Variants in ADAMTSL1 observed in about 807,000 individuals in gnomAD.
The protein encoded by ADAMTSL1 is ADAMTS-like protein 1.
Under a neutral mutation model 201.8 loss-of-function variants are expected in ADAMTSL1, and 126 were observed. That is an observed-to-expected ratio of 0.62 (90% CI 0.54 to 0.72). The LOEUF (loss-of-function observed/expected upper bound fraction) is 0.72. Ranked by LOEUF, ADAMTSL1 falls within the 30% of genes least tolerant of loss-of-function variation. The pLI is 0.00. For missense variants in ADAMTSL1, 2,679 were observed against 2,277.8 expected (o/e 1.18, Z -3.59); for synonymous variants, 1,121 against 903.4 (o/e 1.24, Z -4.32).
intron 1 of ADAMTSL1, among the ~76,000 whole-genome samples, chr9:17,971,831 G>GA (rs1818217391): frequency 6.6e-6 from 1 of 151,754 alleles, no homozygotes; most frequent in Non-Finnish European, 1.5e-5. Context: ...TTTATATGGG[G>GA]AAAAAGACAA....
At chr9:18,213,469 A>G (rs577178861) in intron 2 of ADAMTSL1, among the ~76,000 whole-genome samples, 2 of 152,152 alleles carry the variant, frequency 1.3e-5, no homozygotes, top group Non-Finnish European at 2.9e-5. Context: ...GTGAGAAGCT[A>G]AACTTTTGCC....
At chr9:18,860,394 A>G (rs1268219874) in intron 23 of ADAMTSL1, among the ~76,000 whole-genome samples, 1 of 151,924 alleles carries the variant, frequency 6.6e-6, no homozygotes, top group Non-Finnish European at 1.5e-5. Flanking sequence ...GCACAGCCCC[A>G]CCCATTTGTT....
chr9:18,170,594 A>G (rs1316783117), intron 2 of ADAMTSL1, among the ~76,000 whole-genome samples: 1 of 152,102 alleles, frequency 6.6e-6, no homozygotes, highest in East Asian at 1.9e-4. Flanking sequence ...TATGGGACCA[A>G]TAATTAATTT....
At chr9:18,494,838 T>G (rs1300895311) in intron 1 of ADAMTSL1, among the ~76,000 whole-genome samples, 1 of 152,168 alleles carries the variant, frequency 6.6e-6, no homozygotes, top group Non-Finnish European at 1.5e-5. Flanking sequence ...TGGCATTTAT[T>G]AACACTACTA....
intron 1 of ADAMTSL1, among the ~76,000 whole-genome samples, chr9:18,073,359 G>T (rs1007587761): frequency 6.6e-6 from 1 of 152,166 alleles, no homozygotes; most frequent in Admixed American, 6.5e-5. Flanking sequence ...CTACTTGATC[G>T]CATGGACTCC....
At chr9:18,134,269 G>A (rs1458709944) in intron 1 of ADAMTSL1, among the ~76,000 whole-genome samples, 1 of 152,230 alleles carries the variant, frequency 6.6e-6, no homozygotes, top group East Asian at 1.9e-4. Context: ...CAGGATGTCC[G>A]GTGTGCTGCT....
intron 1 of ADAMTSL1, among the ~76,000 whole-genome samples, chr9:17,977,356 ATTC>A: frequency 6.6e-6 from 1 of 152,236 alleles, no homozygotes. Flanking sequence ...ATTTGGAAAA[ATTC>A]ATTCTTCAAA....
chr9:18,693,332 T>C (rs1160274878), intron 13 of ADAMTSL1, among the ~76,000 whole-genome samples: 1 of 152,230 alleles, frequency 6.6e-6, no homozygotes, highest in African/African-American at 2.4e-5. Flanking sequence ...GCTACATGAC[T>C]ATCTAACAAC....
At chr9:18,206,491 AT>A (rs1345127382) in intron 2 of ADAMTSL1, among the ~76,000 whole-genome samples, 1 of 152,032 alleles carries the variant, frequency 6.6e-6, no homozygotes, top group African/African-American at 2.4e-5. Context: ...TTGAGTTCTC[AT>A]GACCCCTACT....
chr9:18,417,283 A>G (rs1263648145), intron 2 of ADAMTSL1, among the ~76,000 whole-genome samples: 2 of 151,694 alleles, frequency 1.3e-5, no homozygotes, highest in African/African-American at 4.8e-5. Flanking sequence ...TAGTAAAGAA[A>G]AAAGGTCTTC....
intron 7 of ADAMTSL1, among the ~76,000 whole-genome samples, chr9:18,656,319 A>G (rs939260750): frequency 1.2e-4 from 18 of 151,990 alleles, no homozygotes; most frequent in Non-Finnish European, 2.9e-5. Context: ...TTTATCCTAC[A>G]TTATGGGCAA....
At chr9:18,265,307 G>C (rs1448736222) in intron 2 of ADAMTSL1, among the ~76,000 whole-genome samples, 1 of 151,848 alleles carries the variant, frequency 6.6e-6, no homozygotes, top group Admixed American at 6.6e-5. Context: ...AGTTAATTCA[G>C]GTCTTTATTT....
intron 2 of ADAMTSL1, among the ~76,000 whole-genome samples, chr9:18,180,574 A>T (rs2132173654): frequency 6.6e-6 from 1 of 150,968 alleles, no homozygotes; most frequent in East Asian, 2.0e-4. Context: ...AATCCAACTT[A>T]CCAGGGATGT....
chr9:18,741,575 G>T (rs879785659), intron 15 of ADAMTSL1, among the ~76,000 whole-genome samples: 3 of 152,346 alleles, frequency 2.0e-5, no homozygotes, highest in Middle Eastern at 3.4e-3. Context: ...GTATTAATCT[G>T]CTGGGGCTTC....
intron 2 of ADAMTSL1, among the ~76,000 whole-genome samples, chr9:18,304,716 A>T (rs1459894712): frequency 1.3e-5 from 2 of 151,926 alleles, no homozygotes; most frequent in Non-Finnish European, 2.9e-5. Context: ...GAATAGTAAG[A>T]TTCTGAAAAA....
At chr9:18,182,812 A>G (rs138553049) in intron 2 of ADAMTSL1, among the ~76,000 whole-genome samples, 374 of 152,336 alleles carry the variant, frequency 2.5e-3, no homozygotes, top group Admixed American at 5.2e-3. Flanking sequence ...AATGCGGGTT[A>G]CAGTTCGGGC....
intron 2 of ADAMTSL1, among the ~76,000 whole-genome samples, chr9:18,400,645 A>G (rs1257063777): frequency 1.3e-5 from 2 of 152,222 alleles, no homozygotes; most frequent in Admixed American, 6.5e-5. Flanking sequence ...CTTGGTGTCA[A>G]TGAAAACCAA....
At position 18,457,543 on chromosome 9, in the gene ADAMTSL1, AGGGTGGTGTTGAACTCCT is replaced by A. The variant is rs1207214844; in HGVS notation, c.208-47283_208-47266del. On this transcript the variant is annotated intron_variant, in intron 2 of 29. Coordinates refer to the ADAMTSL1 transcript ENST00000680146. ...GAGACAGTAGCTCACTTTGTCACCC[AGGGTGGTGTTGAACTCCT>A]GGCTTCAAATGATCCTCCTGCCTCA... is the stretch of plus-strand genomic sequence containing the variant. 1.3e-5 allele frequency among the ~76,000 whole-genome samples: 2 copies of A among 152,078 alleles called. 1 individual carries two copies. The highest frequency in any genetic ancestry group is 3.9e-4 in the East Asian group (2 of 5,168).
chr9:18,622,390 C>T (rs746113447), intron 5 of ADAMTSL1, 21 bp downstream of exon 5: 29 of 1,613,800 alleles, frequency 1.8e-5, no homozygotes, highest in African/African-American at 2.7e-5. Flanking sequence ...CAGAGATGGG[C>T]GACCTTTGGA....
Sources: allele counts gnomAD v4.1 joint callset (sites outside exome capture counted in the v4.1 genomes callset), GRCh38; gene constraint gnomAD v4.1.1; transcripts MANE v1.5; gene names NCBI Gene and HGNC (gene_info 2026-07-23, HGNC 2026-07-21).